ARHGAP39: variants seen among roughly 807,000 people sequenced by gnomAD.
ARHGAP39 encodes the protein Rho GTPase activating protein 39.
ARHGAP39 carries 44 observed loss-of-function variants against 106.9 expected under a neutral mutation model. That is an observed-to-expected ratio of 0.41 (90% CI 0.32 to 0.53). ARHGAP39 has a LOEUF of 0.53. ARHGAP39 is among the 20% of genes least tolerant of loss of function. ARHGAP39 has a pLI of 0.21. For synonymous variants in ARHGAP39, 768 were observed against 693.2 expected (o/e 1.11, Z -1.69); for missense variants, 1,496 against 1,577.3 (o/e 0.95, Z 0.87).
At chr8:144,635,649 G>C (rs1821154587) in intron 1 of ARHGAP39, among the ~76,000 whole-genome samples, 1 of 152,218 alleles carries the variant, frequency 6.6e-6, no homozygotes, top group African/African-American at 2.4e-5. Context: ...ACTGGAAGTG[G>C]GGGTGGTCTT....
intron 1 of ARHGAP39, among the ~76,000 whole-genome samples, chr8:144,638,199 C>T (rs995785407): frequency 6.6e-6 from 1 of 152,200 alleles, no homozygotes; most frequent in Non-Finnish European, 1.5e-5. Context: ...GCTTTCTCTG[C>T]TGCTGAGAAG....
At chr8:144,630,015 C>T (rs889672627) in intron 1 of ARHGAP39, among the ~76,000 whole-genome samples, 7 of 152,202 alleles carry the variant, frequency 4.6e-5, no homozygotes, top group Non-Finnish European at 8.8e-5. Context: ...TACTGAGAGA[C>T]AGGCAAGGCT....
chr8:144,653,893 G>A (rs963112844), intron 1 of ARHGAP39, among the ~76,000 whole-genome samples: 7 of 152,300 alleles, frequency 4.6e-5, no homozygotes, highest in South Asian at 4.1e-4. Context: ...AAGAACTGGC[G>A]CCGAAAAGGG....
chr8:144,582,885 T>C (rs540526858), intron 2 of ARHGAP39, among the ~76,000 whole-genome samples: 2 of 152,166 alleles, frequency 1.3e-5, no homozygotes, highest in South Asian at 2.1e-4. Flanking sequence ...GAAGGCGAGG[T>C]GGTGGGGGTC....
chr8:144,624,031 C>T (rs1820874528), intron 1 of ARHGAP39, among the ~76,000 whole-genome samples: 1 of 152,212 alleles, frequency 6.6e-6, no homozygotes, highest in Admixed American at 6.5e-5. Context: ...GACGGAGCAG[C>T]CTCGTGCTGC....
intron 1 of ARHGAP39, among the ~76,000 whole-genome samples, chr8:144,617,441 G>C (rs927790527): frequency 7.0e-6 from 1 of 143,344 alleles, no homozygotes; most frequent in Non-Finnish European, 1.6e-5. Context: ...CAGGAGACCT[G>C]AGCACCCAGC....
intron 7 of ARHGAP39, among the ~76,000 whole-genome samples, chr8:144,534,650 A>T (rs914876703): frequency 2.6e-5 from 4 of 152,336 alleles, no homozygotes; most frequent in Admixed American, 2.0e-4. Context: ...ACCCGCAGCC[A>T]GTGCTGGGGG....
intron 1 of ARHGAP39, among the ~76,000 whole-genome samples, chr8:144,649,803 A>G (rs994934321): frequency 6.6e-6 from 1 of 152,150 alleles, no homozygotes; most frequent in Non-Finnish European, 1.5e-5. Context: ...AGAAATAAAA[A>G]TAACCATCAG....
chr8:144,638,035 C>T (rs1025990786), intron 1 of ARHGAP39, among the ~76,000 whole-genome samples: 3 of 152,118 alleles, frequency 2.0e-5, no homozygotes, highest in African/African-American at 4.8e-5. Context: ...TTCCTGAATC[C>T]TGTCTTTTAG....
At position 144,641,390 on chromosome 8, in the gene ARHGAP39, G is replaced by T. The variant is rs2130988293; in HGVS notation, c.-81-35695C>A. The stretch of plus-strand genomic sequence containing the variant: ...AGACAACATGGAGATGCAGACGCAG[G>T]CAGATGATGGGCTGGTAAAGCGAAG... On this transcript the variant is annotated intron_variant, in intron 1 of 11. Transcript: ENST00000377307. This position sits in a 1 kb window ranked among gnomAD's most constrained non-coding sequence, Gnocchi z 5.2. Among the ~76,000 whole-genome samples the T allele has an allele frequency of 6.6e-6, 1 of 152,194 alleles. No homozygotes were observed. Among genetic ancestry groups the T allele is most frequent in the African/African-American group, 2.4e-5 (1 of 41,546 alleles).
chr8:144,561,747 C>T (rs868779711), intron 3 of ARHGAP39, among the ~76,000 whole-genome samples: 9 of 143,672 alleles, frequency 6.3e-5, no homozygotes, highest in African/African-American at 1.2e-4. Flanking sequence ...TGGTTTCCAT[C>T]GGACTTAATC....
At chr8:144,685,114 GGGGCACACTCACACCCATCTAGGGCC>G (rs1319331669) in intron 1 of ARHGAP39, among the ~76,000 whole-genome samples, 1,605 of 151,320 alleles carry the variant, frequency 0.011, 33 homozygotes, top group African/African-American at 0.036. Flanking sequence ...CCCTCGGGCA[GGGGCACACTCACACCCATCTAGGGCC>G]GGGCACACTC....
chr8:144,665,057 A>C (rs904507988), intron 1 of ARHGAP39, among the ~76,000 whole-genome samples: 6 of 152,226 alleles, frequency 3.9e-5, no homozygotes, highest in Non-Finnish European at 8.8e-5. Context: ...GATACGAATA[A>C]GGTCCAGGCT....
chr8:144,692,835 C>T, the ARHGAP39 span, among the ~76,000 whole-genome samples: 1 of 147,990 alleles, frequency 6.8e-6, no homozygotes, highest in Non-Finnish European at 1.5e-5. Flanking sequence ...TCTCGGCTCA[C>T]CACATCCTCT....
chr8:144,671,883 C>G lies in ARHGAP39; in HGVS notation c.-82+13803G>C, dbSNP rs947038822. Among the ~76,000 whole-genome samples the G allele has an allele frequency of 1.3e-5, 2 of 152,178 alleles. No individual in the cohort carries two copies. The highest frequency in any genetic ancestry group is 1.3e-4 in the Admixed American group (2 of 15,278). The stretch of plus-strand genomic sequence containing the variant: ...ATACAGGCAACAGTAAAGACAGGGG[C>G]GAGATGAGTGTGGGTGGGCCTGGCA... On this transcript the variant is annotated intron_variant, in intron 1 of 11. Coordinates refer to ENST00000377307, the MANE Select transcript of ARHGAP39 (RefSeq NM_025251.3). This position sits in a 1 kb window ranked among gnomAD's most constrained non-coding sequence, Gnocchi z 4.5.
the ARHGAP39 span, among the ~76,000 whole-genome samples, chr8:144,691,808 C>T: frequency 6.6e-6 from 1 of 151,944 alleles, no homozygotes; most frequent in Non-Finnish European, 1.5e-5. Context: ...GGCTAGTAAA[C>T]TTTCATCTCA....
At chr8:144,687,833 C>T (rs896376713), upstream of ARHGAP39, among the ~76,000 whole-genome samples, 10 of 132,914 alleles carry the variant, frequency 7.5e-5, no homozygotes, top group Admixed American at 1.6e-4. Context: ...TTCCCACCCC[C>T]GTGACCACAC....
At chr8:144,617,734 TTA>T (rs1488510546) in intron 1 of ARHGAP39, among the ~76,000 whole-genome samples, 2 of 152,204 alleles carry the variant, frequency 1.3e-5, no homozygotes, top group African/African-American at 2.4e-5. Flanking sequence ...CTGTATAGTT[TTA>T]TGTTTTGCTT....
At chr8:144,574,181 A>AGAAGAGGAG (rs112840672) in intron 3 of ARHGAP39, among the ~76,000 whole-genome samples, 1 of 148,016 alleles carries the variant, frequency 6.8e-6, no homozygotes, top group African/African-American at 2.6e-5. Flanking sequence ...AAGAAGATGA[A>AGAAGAGGAG]GATGAGGAGG....
Sources: gnomAD v4.1 joint callset for allele counts (sites outside exome capture counted in the v4.1 genomes callset) on GRCh38, gnomAD v4.1.1 for gene constraint, Gnocchi (gnomAD v3.1) non-coding constraint, MANE v1.5 for transcripts, NCBI Gene and HGNC (gene_info 2026-07-23, HGNC 2026-07-21) for gene names.